Variants in ABCA13 observed in about 807,000 individuals in gnomAD.
The protein encoded by ABCA13 is ATP binding cassette subfamily A member 13, also known as ATP-binding cassette sub-family A member 13.
A neutral mutation model predicts 478.7 loss-of-function variants in ABCA13; 476 were observed. The ratio of observed to expected loss-of-function variants is 0.99; its 90% CI spans 0.92 to 1.07. The LOEUF is 1.07. Among genes scored for constraint, ABCA13 ranks in the 50% least tolerant of loss-of-function variants. The probability of loss-of-function intolerance (pLI) is 0.00; values close to 1 mark genes in which losing one functional copy is unlikely to be tolerated. For synonymous variants in ABCA13, 2,252 were observed against 2,158.9 expected (o/e 1.04, Z -1.20); for missense variants, 6,060 against 5,910.6 (o/e 1.03, Z -0.83).
At chr7:48,625,214 A>C (rs917996305) in intron 59 of ABCA13, among the ~76,000 whole-genome samples, 1 of 152,236 alleles carries the variant, frequency 6.6e-6, no homozygotes, top group Non-Finnish European at 1.5e-5. Context: ...TAGTGTGGCA[A>C]CTTTGACTTA....
At chr7:48,530,312 A>G (rs1460732855) in intron 55 of ABCA13, among the ~76,000 whole-genome samples, 1 of 151,708 alleles carries the variant, frequency 6.6e-6, no homozygotes, top group African/African-American at 2.4e-5. Context: ...TGGTGTATAT[A>G]TATGTATATA....
At chr7:48,186,053 T>C (rs1796314131) in intron 1 of ABCA13, among the ~76,000 whole-genome samples, 1 of 151,998 alleles carries the variant, frequency 6.6e-6, no homozygotes, top group Non-Finnish European at 1.5e-5. Flanking sequence ...TTACCTACCA[T>C]ATCTTTTTCA....
intron 43 of ABCA13, among the ~76,000 whole-genome samples, chr7:48,457,350 C>A (rs1327837004): frequency 6.6e-6 from 1 of 152,060 alleles, no homozygotes; most frequent in East Asian, 1.9e-4. Context: ...CCTCTCTCAA[C>A]TTTACCGCTT....
chr7:48,263,349 T>C (rs1187407873), intron 15 of ABCA13, among the ~76,000 whole-genome samples: 1 of 151,940 alleles, frequency 6.6e-6, no homozygotes, highest in Non-Finnish European at 1.5e-5. Flanking sequence ...AGAGACATCA[T>C]TTATTCTAGT....
intron 5 of ABCA13, among the ~76,000 whole-genome samples, chr7:48,226,668 C>G (rs996735695): frequency 2.6e-5 from 4 of 152,180 alleles, no homozygotes; most frequent in East Asian, 1.9e-4. Flanking sequence ...GTTTTTCCAC[C>G]TAGGGAGAGC....
rs141844988 is a variant in ABCA13, at chr7:48,589,312, G to T, written c.14640+2024G>T. 3.7e-3 allele frequency among the ~76,000 whole-genome samples: 568 copies of T among 152,194 alleles called. 3 individuals are homozygous for T. Among genetic ancestry groups the T allele is most frequent in the African/African-American group, 0.013 (545 of 41,534 alleles). On this transcript the variant is annotated intron_variant, in intron 57 of 61. Coordinates refer to ENST00000435803, the MANE Select transcript of ABCA13 (RefSeq NM_152701.5). ...GATATCATTCCGAAATTTTATGGAG[G>T]TTGAAAATTCATTTTAGAAACATCA...
chr7:48,551,241 T>G (rs912337714), intron 55 of ABCA13, among the ~76,000 whole-genome samples: 2 of 150,480 alleles, frequency 1.3e-5, no homozygotes, highest in Non-Finnish European at 3.0e-5. Flanking sequence ...ATGAAAACCC[T>G]TGGTATATGG....
Position 48,272,468 on chromosome 7 carries a change from T to G in ABCA13, c.2802T>G (p.Ser934=). Reference sequence around the variant, plus strand: ...CATCTGATCTTTTCTCAGCCCTTTCTGAACCACAAAAACAAGAAGTTGATA... The same window carrying G: ...CATCTGATCTTTTCTCAGCCCTTTCGGAACCACAAAAACAAGAAGTTGATA... ...RNASDLFSAL[S]EPQKQEVDKI... Residue 934 remains serine, a synonymous_variant, in exon 17 of 62, where the codon TCT becomes TCG. Transcript: ENST00000435803. The G allele has an allele frequency of 1.9e-6, 3 of 1,613,798 alleles. No individual in the cohort carries two copies. Among genetic ancestry groups the G allele is most frequent in the Non-Finnish European group, 2.5e-6 (3 of 1,179,764 alleles).
intron 31 of ABCA13, 64 bp downstream of exon 31, chr7:48,352,551 G>A: frequency 6.9e-7 from 1 of 1,441,670 alleles, no homozygotes; most frequent in Non-Finnish European, 9.2e-7. Context: ...TAGCTGAGGA[G>A]AGAAAACTCA....
chr7:48,318,907 G>A (rs1802982327), intron 27 of ABCA13, among the ~76,000 whole-genome samples: 2 of 152,138 alleles, frequency 1.3e-5, no homozygotes, highest in Non-Finnish European at 2.9e-5. Flanking sequence ...TGCATATTAT[G>A]ATGTATTCTG....
intron 11 of ABCA13, among the ~76,000 whole-genome samples, chr7:48,245,282 G>T (rs1791499679): frequency 6.6e-6 from 1 of 152,102 alleles, no homozygotes; most frequent in African/African-American, 2.4e-5. Flanking sequence ...AAGTGAGGGG[G>T]GATGTTACTT....
intron 52 of ABCA13, among the ~76,000 whole-genome samples, chr7:48,518,541 G>A (rs942534017): frequency 6.6e-6 from 1 of 151,966 alleles, no homozygotes; most frequent in African/African-American, 2.4e-5. Context: ...AAATCAACAG[G>A]CAATGAAGTG....
chr7:48,276,569 A>G lies in ABCA13; in HGVS notation c.6899+4A>G. 1 of 1,609,638 alleles carries G rather than the reference A, an allele frequency of 6.2e-7. No homozygotes were observed. Among genetic ancestry groups the G allele is most frequent in the Non-Finnish European group, 8.5e-7 (1 of 1,178,390 alleles). ...AAGATGTTATTGCAGAGATGAGGTG[A>G]GTATACTTTTGCTTTGTGTCATATA... On this transcript the variant is annotated splice_donor_region_variant and intron_variant, in intron 17 of 61. Transcript: ENST00000435803.
At chr7:48,302,609 T>C (rs368315043) in intron 23 of ABCA13, among the ~76,000 whole-genome samples, 90 of 152,344 alleles carry the variant, frequency 5.9e-4, no homozygotes, top group African/African-American at 2.0e-3. Flanking sequence ...TCATTTTCTG[T>C]TCCTGTGTTC....
intron 50 of ABCA13, 49 bp from the exon 51 acceptor site, chr7:48,511,035 A>C: frequency 7.1e-7 from 1 of 1,415,908 alleles, no homozygotes; most frequent in Non-Finnish European, 1.0e-6. Context: ...GATAATAAAT[A>C]TGACCATCTG....
chr7:48,642,097 C>G (rs867896450), intron 59 of ABCA13, among the ~76,000 whole-genome samples: 3 of 152,114 alleles, frequency 2.0e-5, no homozygotes, highest in South Asian at 4.1e-4. Flanking sequence ...ACCATTAACT[C>G]GAATGATGGG....
At chr7:48,555,449 T>C (rs748504557) in intron 55 of ABCA13, among the ~76,000 whole-genome samples, 4 of 151,878 alleles carry the variant, frequency 2.6e-5, no homozygotes, top group Non-Finnish European at 4.4e-5. Context: ...AGTGAAATCA[T>C]TGGGTCCCAG....
intron 55 of ABCA13, among the ~76,000 whole-genome samples, chr7:48,554,227 G>T (rs1251133074): frequency 2.0e-5 from 3 of 151,960 alleles, no homozygotes; most frequent in Non-Finnish European, 4.4e-5. Flanking sequence ...GGTTACTATG[G>T]CTCTGTAGTA....
intron 35 of ABCA13, 43 bp from the exon 36 acceptor site, chr7:48,387,779 C>T (rs777585764): frequency 1.2e-5 from 17 of 1,444,626 alleles, no homozygotes; most frequent in Non-Finnish European, 1.6e-5. Context: ...GTACCTTCAT[C>T]TAAATAAAAA....
Sources: allele counts gnomAD v4.1 joint callset (sites outside exome capture counted in the v4.1 genomes callset), GRCh38; gene constraint gnomAD v4.1.1; transcripts MANE v1.5; gene names NCBI Gene and HGNC (gene_info 2026-07-23, HGNC 2026-07-21).